Variants in NEGR1 observed in about 807,000 individuals in gnomAD.
NEGR1 encodes IgLON family member 4.
NEGR1 carries 10 observed loss-of-function variants against 40.9 expected under a neutral mutation model. That is an observed-to-expected ratio of 0.24 (90% CI 0.15 to 0.42). NEGR1 has a LOEUF of 0.42. Ranked by LOEUF, NEGR1 falls within the 10% of genes least tolerant of loss-of-function variation. The probability of loss-of-function intolerance (pLI) is 1.00; values close to 1 mark genes in which losing one functional copy is unlikely to be tolerated. For synonymous variants in NEGR1, 185 were observed against 166.8 expected (o/e 1.11, Z -0.84); for missense variants, 352 against 438.9 (o/e 0.80, Z 1.77).
At chr1:72,119,805 A>T in intron 1 of NEGR1, among the ~76,000 whole-genome samples, 1 of 151,920 alleles carries the variant, frequency 6.6e-6, no homozygotes, top group East Asian at 1.9e-4. Context: ...AAATGTCAAT[A>T]GTGTTGAGGT....
chr1:71,520,412 G>A (rs910655747), intron 6 of NEGR1, among the ~76,000 whole-genome samples: 21 of 151,948 alleles, frequency 1.4e-4, no homozygotes, highest in Non-Finnish European at 2.8e-4. Context: ...TGCTCTTTTC[G>A]AAGCAAACTC....
rs1557515698 is a variant in NEGR1, at chr1:71,407,221, C to G, written c.*225G>C. 2 of 356,824 alleles carry G rather than the reference C, an allele frequency of 5.6e-6. No homozygotes were observed. The highest frequency in any genetic ancestry group is 1.0e-5 in the Non-Finnish European group (2 of 195,050). 22.1% of individuals were successfully genotyped at this position (356,824 alleles called of 1,614,324 possible). On this transcript the variant is annotated 3_prime_UTR_variant, in exon 7 of 7. Transcript: ENST00000357731. ...TCTAAAAGTAATTTCAGAGCTTTCA[C>G]GTCTTAAAAAAAGGACAATGTGTAC...
At chr1:72,195,390 T>G (rs979398356) in intron 1 of NEGR1, among the ~76,000 whole-genome samples, 14 of 152,010 alleles carry the variant, frequency 9.2e-5, no homozygotes, top group African/African-American at 3.4e-4. Flanking sequence ...TACATTTTTG[T>G]TGCCAAGCAT....
At chr1:72,031,508 AAGCCAGGG>A (rs1646858558) in intron 1 of NEGR1, among the ~76,000 whole-genome samples, 1 of 152,168 alleles carries the variant, frequency 6.6e-6, no homozygotes, top group Non-Finnish European at 1.5e-5. Context: ...TTCAATTGAC[AAGCCAGGG>A]AGAGAAAAAA....
intron 1 of NEGR1, among the ~76,000 whole-genome samples, chr1:72,278,206 T>A (rs1656123009): frequency 6.6e-6 from 1 of 152,138 alleles, no homozygotes; most frequent in South Asian, 2.1e-4. Context: ...GAGTTGTGTT[T>A]AACTCTGCTA....
chr1:72,074,375 A>T (rs1177104793), intron 1 of NEGR1, among the ~76,000 whole-genome samples: 1 of 152,078 alleles, frequency 6.6e-6, no homozygotes, highest in African/African-American at 2.4e-5. Context: ...TAGTTTAGTT[A>T]TACTTATATT....
At chr1:71,573,966 C>T (rs1204544347) in intron 6 of NEGR1, among the ~76,000 whole-genome samples, 1 of 152,150 alleles carries the variant, frequency 6.6e-6, no homozygotes, top group Non-Finnish European at 1.5e-5. Context: ...CTTTATGGGT[C>T]TCTTGCACTG....
intron 1 of NEGR1, among the ~76,000 whole-genome samples, chr1:72,123,977 G>C (rs901818858): frequency 2.0e-5 from 3 of 151,980 alleles, no homozygotes; most frequent in Non-Finnish European, 2.9e-5. Flanking sequence ...TGTTCTTTTA[G>C]AGTTATGTAT....
chr1:71,999,659 A>G (rs1356663054), intron 1 of NEGR1, among the ~76,000 whole-genome samples: 1 of 48,890 alleles, frequency 2.0e-5, no homozygotes, highest in Non-Finnish European at 5.0e-5. Context: ...ATATATATAT[A>G]TATATATATA....
chr1:71,465,430 A>T (rs1283077996), intron 6 of NEGR1, among the ~76,000 whole-genome samples: 11 of 152,236 alleles, frequency 7.2e-5, no homozygotes, highest in Non-Finnish European at 1.3e-4. Flanking sequence ...TCACTATGGA[A>T]ATAGTTATAA....
chr1:71,496,330 A>G (rs1437442703), intron 6 of NEGR1, among the ~76,000 whole-genome samples: 14 of 152,200 alleles, frequency 9.2e-5, no homozygotes, highest in Non-Finnish European at 1.8e-4. Context: ...TTCCAGAACT[A>G]GAAGGAATTG....
intron 1 of NEGR1, among the ~76,000 whole-genome samples, chr1:71,953,617 A>T (rs1231219993): frequency 5.3e-5 from 8 of 151,972 alleles, no homozygotes; most frequent in African/African-American, 1.9e-4. Context: ...ATTGGATGGA[A>T]TAAGGAAATC....
In NEGR1 at chr1:71,637,047, C is replaced by G. The variant is rs191857541; in HGVS notation, c.668-25901G>C. On this transcript the variant is annotated intron_variant, in intron 4 of 6. Transcript: ENST00000357731. Reference sequence around the variant, plus strand: ...TGAAGAGGACCAACAGATGTTTATTCTAGTTCTCCCGTTTTAAGGTAGAGA... The same window carrying G: ...TGAAGAGGACCAACAGATGTTTATTGTAGTTCTCCCGTTTTAAGGTAGAGA... Among the ~76,000 whole-genome samples, 44 of 152,068 alleles carry G rather than the reference C, an allele frequency of 2.9e-4. No individual in the cohort carries two copies. The Middle Eastern group carries it at 0.017, about 59-fold the overall frequency.
At chr1:72,228,851 G>A (rs985696170) in intron 1 of NEGR1, among the ~76,000 whole-genome samples, 1 of 151,984 alleles carries the variant, frequency 6.6e-6, no homozygotes, top group African/African-American at 2.4e-5. Flanking sequence ...TAAGGAGGGA[G>A]GTCAGAATTA....
In NEGR1 at chr1:71,480,605, A is replaced by G. The variant is rs1393888081; in HGVS notation, c.941-73035T>C. 2.6e-5 allele frequency among the ~76,000 whole-genome samples: 4 copies of G among 151,896 alleles called. No individual in the cohort carries two copies. In the East Asian group the frequency reaches 5.8e-4, roughly 22 times the overall value. Reference sequence around the variant, plus strand: ...GCAATTCATATTTACTGAGTTAATGAATGAAGTTGTAGTATTAATATTAAA... The same window carrying G: ...GCAATTCATATTTACTGAGTTAATGGATGAAGTTGTAGTATTAATATTAAA... On this transcript the variant is annotated intron_variant, in intron 6 of 6. Coordinates refer to ENST00000357731, the MANE Select transcript of NEGR1 (RefSeq NM_173808.3).
chr1:71,733,170 G>A (rs983468201), intron 3 of NEGR1, among the ~76,000 whole-genome samples: 1 of 151,754 alleles, frequency 6.6e-6, no homozygotes, highest in African/African-American at 2.4e-5. Flanking sequence ...TAGCGTCAGA[G>A]ATTAGAGTGA....
chr1:72,018,462 A>G (rs535806225), intron 1 of NEGR1, among the ~76,000 whole-genome samples: 26 of 152,316 alleles, frequency 1.7e-4, no homozygotes, highest in African/African-American at 5.5e-4. Flanking sequence ...AATATATACA[A>G]AAACAGGGTC....
At chr1:71,508,982 G>C (rs1647055153) in intron 6 of NEGR1, among the ~76,000 whole-genome samples, 2 of 152,186 alleles carry the variant, frequency 1.3e-5, no homozygotes, top group South Asian at 4.1e-4. Context: ...CCTCCCATTT[G>C]CCTGGAACTA....
At chr1:71,620,033 G>A (rs1365839388) in intron 4 of NEGR1, among the ~76,000 whole-genome samples, 1 of 151,904 alleles carries the variant, frequency 6.6e-6, no homozygotes, top group Non-Finnish European at 1.5e-5. Flanking sequence ...TTACTAAGTT[G>A]AGGTAGTTGA....
Sources: gnomAD v4.1 joint callset for allele counts (sites outside exome capture counted in the v4.1 genomes callset) on GRCh38, gnomAD v4.1.1 for gene constraint, MANE v1.5 for transcripts, NCBI Gene and HGNC (gene_info 2026-07-23, HGNC 2026-07-21) for gene names.